TRAK1: variants seen among roughly 807,000 people sequenced by gnomAD.
The protein encoded by TRAK1 is trafficking kinesin protein 1.
TRAK1 carries 33 observed loss-of-function variants against 92.1 expected under a neutral mutation model. The ratio of observed to expected loss-of-function variants is 0.36; its 90% confidence interval spans 0.27 to 0.48. TRAK1 has a LOEUF of 0.48. Ranked by LOEUF, TRAK1 falls within the 20% of genes least tolerant of loss-of-function variation. The pLI is 0.99. For synonymous variants in TRAK1, 521 were observed against 517.3 expected, an observed-to-expected ratio of 1.01 and a Z score of -0.10; for missense variants, 1,123 against 1,257.9, an observed-to-expected ratio of 0.89 and a Z score of 1.62.
chr3:42,175,860 A>G (rs948615683), intron 2 of TRAK1, among the ~76,000 whole-genome samples: 2 of 152,238 alleles, frequency 1.3e-5, no homozygotes, highest in African/African-American at 2.4e-5. Context: ...GTTACAAAAC[A>G]TTACTAAGAA....
intron 1 of TRAK1, among the ~76,000 whole-genome samples, chr3:42,066,408 C>G (rs1466630022): frequency 1.3e-5 from 2 of 152,070 alleles, no homozygotes; most frequent in Admixed American, 6.6e-5. Flanking sequence ...TTCACTTGCT[C>G]TGAAATGGGA....
At chr3:42,179,227 G>C (rs566642667) in intron 3 of TRAK1, among the ~76,000 whole-genome samples, 3 of 152,298 alleles carry the variant, frequency 2.0e-5, no homozygotes, top group African/African-American at 7.2e-5. Context: ...CTGAGTTACT[G>C]CCTTTCCTTG....
At chr3:42,112,099 A>C (rs1708489408) in intron 1 of TRAK1, among the ~76,000 whole-genome samples, 1 of 146,788 alleles carries the variant, frequency 6.8e-6, no homozygotes, top group African/African-American at 2.5e-5. Context: ...AATTCCATGA[A>C]CCTAATGGTA....
rs1313543574 is a variant in TRAK1, at chr3:42,151,356, T to C, written c.287-25458T>C. On this transcript the variant is annotated intron_variant, in intron 2 of 15. Transcript: ENST00000327628. ...CCAGCACTTCCTCAGTTGAGTCTTT[T>C]GGCCCTGAGAGACCCTGATCTGTCT... 6.6e-6 allele frequency: 3 copies of C among 456,704 alleles called. No homozygotes were observed. The Admixed American group carries it at 7.0e-5, about 11-fold the overall frequency. The allele number at this position is 456,704 out of a possible 1,614,324, so 28.3% of individuals were successfully genotyped here.
At chr3:42,067,435 A>C (rs886487876) in intron 1 of TRAK1, among the ~76,000 whole-genome samples, 17 of 152,232 alleles carry the variant, frequency 1.1e-4, no homozygotes, top group African/African-American at 4.1e-4. Flanking sequence ...TGACAGATTC[A>C]GTTTCCATAG....
At chr3:42,138,924 T>A (rs1178258108) in intron 2 of TRAK1, among the ~76,000 whole-genome samples, 2 of 129,276 alleles carry the variant, frequency 1.5e-5, no homozygotes, top group Non-Finnish European at 3.4e-5. Context: ...TGTGTGTGTG[T>A]TTGGAGGAGG....
At chr3:42,141,469 G>A (rs915335949) in intron 2 of TRAK1, among the ~76,000 whole-genome samples, 4 of 152,072 alleles carry the variant, frequency 2.6e-5, no homozygotes, top group African/African-American at 9.7e-5. Flanking sequence ...AAGAAAATAC[G>A]ATCTCAGCAG....
upstream of TRAK1, among the ~76,000 whole-genome samples, chr3:42,089,625 A>G (rs1559749674): frequency 6.6e-6 from 1 of 150,696 alleles, no homozygotes; most frequent in Non-Finnish European, 1.5e-5. Context: ...AGATATCCTT[A>G]TGACCCCCTC....
intron 1 of TRAK1, among the ~76,000 whole-genome samples, chr3:42,035,874 A>G (rs559876959): frequency 1.7e-4 from 26 of 152,224 alleles, no homozygotes; most frequent in African/African-American, 6.0e-4. Flanking sequence ...CTCTGCCTAT[A>G]TAGAGAACTC....
intron 10 of TRAK1, 58 bp downstream of exon 10, chr3:42,194,999 A>AG (rs1169432162): frequency 6.3e-7 from 1 of 1,591,870 alleles, no homozygotes; most frequent in East Asian, 2.3e-5. Flanking sequence ...ACAGGAGCAC[A>AG]GTGTCTGACA....
chr3:42,029,898 T>C (rs1009842551), intron 1 of TRAK1, among the ~76,000 whole-genome samples: 5 of 151,874 alleles, frequency 3.3e-5, no homozygotes, highest in African/African-American at 1.2e-4. Flanking sequence ...AGAGCCAGAA[T>C]AGGGGAGGCA....
intron 1 of TRAK1, among the ~76,000 whole-genome samples, chr3:42,041,054 T>G (rs904845067): frequency 6.6e-6 from 1 of 151,760 alleles, no homozygotes; most frequent in Non-Finnish European, 1.5e-5. Flanking sequence ...TGTTGTTGTT[T>G]TTTTTTTCCC....
chr3:42,203,466 TCCC>T (rs1707937648), intron 13 of TRAK1: 1 of 982,848 alleles, frequency 1.0e-6, no homozygotes, highest in Admixed American at 6.3e-5. Flanking sequence ...ACTTCCTCCT[TCCC>T]TCTCTCCCTC....
intron 1 of TRAK1, among the ~76,000 whole-genome samples, chr3:42,038,298 G>T (rs1290321567): frequency 1.3e-5 from 2 of 152,156 alleles, no homozygotes; most frequent in Non-Finnish European, 2.9e-5. Context: ...GAATTGAATT[G>T]AATTTCTCTA....
rs143877801 is a variant in TRAK1 at position 42,026,035 on chromosome 3, T to C, written c.-519+11918T>C. Among the ~76,000 whole-genome samples, 103 of 152,294 alleles carry C rather than the reference T, an allele frequency of 6.8e-4. 1 individual carries two copies. In the East Asian group the frequency reaches 0.017, roughly 25 times the overall value. ...CTGTTTGTTCTTTCTTCTTTCTCCG[T>C]TTATCTTTCTCCCTCTGTCTCTTTC... On this transcript the variant is annotated intron_variant, in intron 1 of 16. Transcript: ENST00000487159.
In TRAK1 at chr3:42,096,892, G is replaced by T. The variant is rs1706010346; in HGVS notation, c.91+5332G>T. On this transcript the variant is annotated intron_variant, in intron 1 of 15. Transcript: ENST00000327628. The stretch of plus-strand genomic sequence containing the variant: ...TTAGAAGCATTGGCTTAAACAGTGT[G>T]CAACAAGAAAAATGCATACAGTTTA... Among the ~76,000 whole-genome samples, 4 of 152,360 alleles carry T rather than the reference G, an allele frequency of 2.6e-5. No homozygotes were observed. The South Asian group carries it at 8.3e-4, about 32-fold the overall frequency.
intron 6 of TRAK1, among the ~76,000 whole-genome samples, chr3:42,190,784 C>T (rs1705606019): frequency 6.6e-6 from 1 of 151,998 alleles, no homozygotes; most frequent in South Asian, 2.1e-4. Context: ...TCCCTCCCTC[C>T]CTCTCTCCCT....
chr3:42,223,991 T>A lies in TRAK1; in HGVS notation c.*254T>A. ...CACAGGAAGTGCCCCTGCACTGTCA[T>A]CACTCTCACGAGGACGTCACCTGTG... On this transcript the variant is annotated 3_prime_UTR_variant, in exon 16 of 16. Coordinates refer to ENST00000327628, the MANE Select transcript of TRAK1 (RefSeq NM_001042646.3). The surrounding 1 kb of genome is among the most constrained non-coding windows in gnomAD (Gnocchi z 6.1). The A allele has an allele frequency of 1.6e-6, 1 of 636,174 alleles. No homozygotes were observed. The highest frequency in any genetic ancestry group is 2.9e-6 in the Non-Finnish European group (1 of 347,138). The allele number at this position is 636,174 out of a possible 1,614,324, so 39.4% of individuals were successfully genotyped here. A position where few individuals can be genotyped will look rare whatever the true frequency, so the allele number is the denominator to read the frequency against.
At chr3:42,143,312 T>TTG (rs774117683) in intron 2 of TRAK1, among the ~76,000 whole-genome samples, 210 of 151,876 alleles carry the variant, frequency 1.4e-3, no homozygotes, top group Non-Finnish European at 2.7e-3. Context: ...CCTCTTCTTT[T>TTG]TTTTTTTTTT....
Sources: gnomAD v4.1 joint callset for allele counts (sites outside exome capture counted in the v4.1 genomes callset) on GRCh38, gnomAD v4.1.1 for gene constraint, Gnocchi (gnomAD v3.1) non-coding constraint, MANE v1.5 for transcripts, NCBI Gene and HGNC (gene_info 2026-07-23, HGNC 2026-07-21) for gene names.